SPIDR: variants seen among roughly 807,000 people sequenced by gnomAD.
SPIDR encodes scaffold protein involved in DNA repair.
SPIDR carries 93 observed loss-of-function variants against 104.6 expected under a neutral mutation model. That is an observed-to-expected ratio of 0.89 (90% CI 0.75 to 1.06). SPIDR has a LOEUF of 1.06. Among genes scored for constraint, SPIDR ranks in the 50% least tolerant of loss-of-function variants. The pLI, the probability that SPIDR is intolerant of heterozygous loss-of-function variation, is 0.00. For synonymous variants in SPIDR, 431 were observed against 416.9 expected (o/e 1.03, Z -0.41); for missense variants, 1,154 against 1,111.2 (o/e 1.04, Z -0.55).
chr8:47,337,272 G>A (rs552595666), intron 5 of SPIDR, among the ~76,000 whole-genome samples: 3 of 152,134 alleles, frequency 2.0e-5, no homozygotes, highest in Non-Finnish European at 2.9e-5. Flanking sequence ...GGACTACAGA[G>A]GGGCCTACCA....
At chr8:47,353,816 G>A (rs1350622648) in intron 5 of SPIDR, among the ~76,000 whole-genome samples, 1 of 151,940 alleles carries the variant, frequency 6.6e-6, no homozygotes, top group South Asian at 2.1e-4. Flanking sequence ...ATTGCTGCCA[G>A]CCCGGGTCAA....
intron 9 of SPIDR, among the ~76,000 whole-genome samples, chr8:47,598,703 A>G (rs2061901734): frequency 6.6e-6 from 1 of 152,194 alleles, no homozygotes; most frequent in South Asian, 2.1e-4. Context: ...GGTATAGCAA[A>G]CATCCTGCTG....
intron 8 of SPIDR, among the ~76,000 whole-genome samples, chr8:47,569,981 T>G (rs1197431730): frequency 6.6e-6 from 1 of 152,182 alleles, no homozygotes; most frequent in African/African-American, 2.4e-5. Context: ...AAGAGATTAA[T>G]AGGGTTAAGA....
At chr8:47,411,062 T>C (rs900281890) in intron 7 of SPIDR, among the ~76,000 whole-genome samples, 1 of 152,228 alleles carries the variant, frequency 6.6e-6, no homozygotes, top group Non-Finnish European at 1.5e-5. Context: ...TCTATCATTA[T>C]TGGACATTTG....
intron 5 of SPIDR, among the ~76,000 whole-genome samples, chr8:47,296,723 A>T (rs2040907022): frequency 6.6e-6 from 1 of 152,076 alleles, no homozygotes; most frequent in Non-Finnish European, 1.5e-5. Context: ...CGCTTTGGCC[A>T]TTTGGGGTTT....
intron 10 of SPIDR, among the ~76,000 whole-genome samples, chr8:47,639,457 A>G (rs987728559): frequency 1.3e-5 from 2 of 152,184 alleles, no homozygotes; most frequent in Non-Finnish European, 2.9e-5. Context: ...TGGACACAAA[A>G]TTGTTGGATT....
chr8:47,710,683 G>A (rs1181523825), intron 14 of SPIDR, among the ~76,000 whole-genome samples: 1 of 152,022 alleles, frequency 6.6e-6, no homozygotes, highest in Non-Finnish European at 1.5e-5. Context: ...GGTCAGGCTG[G>A]TCTTGAACTC....
At chr8:47,712,444 G>T (rs1217961891) in intron 14 of SPIDR, among the ~76,000 whole-genome samples, 2 of 152,188 alleles carry the variant, frequency 1.3e-5, no homozygotes, top group African/African-American at 2.4e-5. Flanking sequence ...GGGAAGGGTG[G>T]CCTGTTCCCA....
intron 8 of SPIDR, among the ~76,000 whole-genome samples, chr8:47,575,439 C>G (rs1257191537): frequency 1.3e-5 from 2 of 150,494 alleles, no homozygotes; most frequent in Non-Finnish European, 3.0e-5. Flanking sequence ...GTCAGGAGAT[C>G]GAGACCATCC....
intron 1 of SPIDR, among the ~76,000 whole-genome samples, 188 bp from the exon 2 acceptor site, chr8:47,279,672 TTG>T (rs2037333970): frequency 6.6e-6 from 1 of 152,208 alleles, no homozygotes; most frequent in Non-Finnish European, 1.5e-5. Flanking sequence ...TGCTGATTAA[TTG>T]TGTTTCTATG....
intron 5 of SPIDR, among the ~76,000 whole-genome samples, chr8:47,318,224 A>T (rs1256451974): frequency 6.6e-6 from 1 of 152,210 alleles, no homozygotes; most frequent in Non-Finnish European, 1.5e-5. Context: ...GCTAACTAGA[A>T]TAACCAATGC....
intron 8 of SPIDR, among the ~76,000 whole-genome samples, chr8:47,453,416 T>C (rs572612146): frequency 1.3e-5 from 2 of 152,226 alleles, no homozygotes; most frequent in Admixed American, 1.3e-4. Context: ...CAAGAGAATT[T>C]TAAGCCAAAA....
intron 14 of SPIDR, among the ~76,000 whole-genome samples, chr8:47,709,467 G>T (rs1410142629): frequency 1.3e-5 from 2 of 152,034 alleles, no homozygotes; most frequent in Non-Finnish European, 2.9e-5. Context: ...GTAGAGATGG[G>T]GTTTTACCAT....
At chr8:47,593,409 G>C (rs1259215696) in intron 8 of SPIDR, among the ~76,000 whole-genome samples, 1 of 151,818 alleles carries the variant, frequency 6.6e-6, no homozygotes, top group African/African-American at 2.4e-5. Flanking sequence ...TTTGTCTCAA[G>C]TGCGTCAAGG....
At chr8:47,355,071 T>C (rs1193954299) in intron 5 of SPIDR, among the ~76,000 whole-genome samples, 1 of 152,142 alleles carries the variant, frequency 6.6e-6, no homozygotes, top group African/African-American at 2.4e-5. Context: ...TTCTCCTGCC[T>C]CAGCCTCTTG....
chr8:47,392,503 A>G (rs1554652925), intron 5 of SPIDR, among the ~76,000 whole-genome samples: 1 of 152,260 alleles, frequency 6.6e-6, no homozygotes, highest in Non-Finnish European at 1.5e-5. Flanking sequence ...GCATGTGGGT[A>G]GTTGGCATTC....
In SPIDR at chr8:47,454,485, G is replaced by A. The variant is rs555491798; in HGVS notation, c.1097+13943G>A. Among the ~76,000 whole-genome samples, 5 of 152,062 alleles carry A rather than the reference G, an allele frequency of 3.3e-5. No individual in the cohort carries two copies. In the East Asian group the frequency reaches 5.8e-4, roughly 18 times the overall value. On this transcript the variant is annotated intron_variant, in intron 8 of 19. Transcript: ENST00000297423. ...CACACCAGGGCCTGTGGTGGGGTGCGGGGGTGGGGAAGCGGGGAAGGGATA... is the reference window on the plus strand; with the variant it reads ...CACACCAGGGCCTGTGGTGGGGTGCAGGGGTGGGGAAGCGGGGAAGGGATA...
At chr8:47,604,012 C>CA (rs1487422499) in intron 10 of SPIDR, among the ~76,000 whole-genome samples, 1 of 152,164 alleles carries the variant, frequency 6.6e-6, no homozygotes, top group Admixed American at 6.6e-5. Flanking sequence ...CCTGGGCCTG[C>CA]AGTGGTTAAC....
intron 8 of SPIDR, chr8:47,547,677 C>T (rs948425941): frequency 1.3e-4 from 20 of 157,970 alleles, no homozygotes; most frequent in Admixed American, 3.9e-4. Context: ...GTGATCCGCC[C>T]GCCTCAGCCT....
Sources: allele counts gnomAD v4.1 joint callset (sites outside exome capture counted in the v4.1 genomes callset), GRCh38; gene constraint gnomAD v4.1.1; transcripts MANE v1.5; gene names NCBI Gene and HGNC (gene_info 2026-07-23, HGNC 2026-07-21).